Variants in MSR1 observed in about 807,000 individuals in gnomAD.
MSR1 encodes macrophage scavenger receptor types I and II.
In MSR1, 53 loss-of-function variants were observed where a neutral mutation model predicts 47.2. The observed-to-expected ratio is 1.12, with a 90% CI of 0.90 to 1.41. MSR1 has a LOEUF of 1.41. Ranked by LOEUF, MSR1 falls within the 40% of genes most tolerant of loss-of-function variation. MSR1 has a pLI of 0.00. For missense variants in MSR1, 786 were observed against 546.9 expected, an observed-to-expected ratio of 1.44 and a Z score of -4.36; for synonymous variants, 239 against 185.6, an observed-to-expected ratio of 1.29 and a Z score of -2.34.
At chr8:16,137,978 C>G (rs1585150659) in intron 8 of MSR1, among the ~76,000 whole-genome samples, 2 of 147,926 alleles carry the variant, frequency 1.4e-5, no homozygotes. Context: ...TGCAACAGAG[C>G]AAGACTCTGT....
At chr8:16,115,020 A>G (rs770997990) in intron 9 of MSR1, among the ~76,000 whole-genome samples, 3 of 151,964 alleles carry the variant, frequency 2.0e-5, no homozygotes, top group Non-Finnish European at 4.4e-5. Flanking sequence ...TCTACTAAAT[A>G]TACAAAAAAT....
At chr8:16,117,883 C>T (rs1332957232) in intron 9 of MSR1, among the ~76,000 whole-genome samples, 3 of 152,050 alleles carry the variant, frequency 2.0e-5, no homozygotes, top group East Asian at 3.9e-4. Context: ...TTATATATTA[C>T]AGTATAATAA....
intron 8 of MSR1, chr8:16,140,959 A>G (rs1800540595): frequency 6.2e-7 from 1 of 1,613,896 alleles, no homozygotes; most frequent in Non-Finnish European, 8.5e-7. Context: ...AGGGCCTTTT[A>G]ATGAGATGGT....
At chr8:16,113,713 C>G (rs540477241) in intron 9 of MSR1, among the ~76,000 whole-genome samples, 1 of 152,126 alleles carries the variant, frequency 6.6e-6, no homozygotes, top group African/African-American at 2.4e-5. Context: ...GTAAGGCTAA[C>G]ATAGCTTTAA....
At chr8:16,121,977 T>A (rs1329730059) in intron 8 of MSR1, among the ~76,000 whole-genome samples, 1 of 152,006 alleles carries the variant, frequency 6.6e-6, no homozygotes. Context: ...TTAATAACAT[T>A]TAAAGTTATT....
chr8:16,114,388 A>G (rs973675019), intron 9 of MSR1, among the ~76,000 whole-genome samples: 1 of 152,178 alleles, frequency 6.6e-6, no homozygotes, highest in Non-Finnish European at 1.5e-5. Context: ...TCAGCACTAT[A>G]AACTCAGGAG....
At chr8:16,139,002 T>C (rs1800459992) in intron 8 of MSR1, among the ~76,000 whole-genome samples, 1 of 152,186 alleles carries the variant, frequency 6.6e-6, no homozygotes, top group African/African-American at 2.4e-5. Context: ...GCCTGACATT[T>C]TGTTTTGACC....
At chr8:16,116,952 A>C (rs1799888440) in intron 9 of MSR1, among the ~76,000 whole-genome samples, 1 of 151,924 alleles carries the variant, frequency 6.6e-6, no homozygotes, top group Admixed American at 6.6e-5. Flanking sequence ...ATTAAAGTAC[A>C]TATACTACTA....
At chr8:16,187,849 C>T (rs145121684) in intron 1 of MSR1, among the ~76,000 whole-genome samples, 11 of 152,208 alleles carry the variant, frequency 7.2e-5, no homozygotes, top group African/African-American at 2.6e-4. Context: ...CTCAGTGAAC[C>T]CACTTTGCTT....
Position 16,164,248 on chromosome 8 carries a change from T to A in MSR1, c.634A>T (p.Ile212Phe). 1 of 1,610,872 alleles carries A rather than the reference T, an allele frequency of 6.2e-7. No individual in the cohort carries two copies. Among genetic ancestry groups the A allele is most frequent in the Non-Finnish European group, 8.5e-7 (1 of 1,178,014 alleles). Residue 212 changes from isoleucine to phenylalanine, a missense_variant, in exon 5 of 10, where the codon ATC (isoleucine) becomes TTC (phenylalanine). Physicochemically the swap from Ile to Phe is conservative, Grantham distance 21. Coordinates refer to ENST00000262101, the MANE Select transcript of MSR1 (RefSeq NM_138715.3). ...QENTFKQQEE[I>F]SKLEERVYNV... The stretch of plus-strand genomic sequence containing the variant: ...TAAACACGCTCCTCTAATTTACTGA[T>A]TTCCTGTAAAACATAAGTGAGCATT...
rs536177690 is a variant in MSR1, at chr8:16,189,163, C to T, written c.-5+3435G>A. On this transcript the variant is annotated intron_variant, in intron 1 of 9. Coordinates refer to ENST00000262101, the MANE Select transcript of MSR1 (RefSeq NM_138715.3). ...CATATATTTCATATATACGTAAAAC[C>T]TTATTTTACATATATTTCATATATA... Among the ~76,000 whole-genome samples, 42 of 143,690 alleles carry T rather than the reference C, an allele frequency of 2.9e-4. No homozygotes were observed. The East Asian group carries it at 7.6e-3, about 26-fold the overall frequency. 94.3% of individuals were successfully genotyped at this position (143,690 alleles called of 152,430 possible). A position where few individuals can be genotyped will look rare whatever the true frequency, so the allele number is the denominator to read the frequency against.
chr8:16,187,087 C>T (rs892421384), intron 1 of MSR1, among the ~76,000 whole-genome samples: 5 of 151,760 alleles, frequency 3.3e-5, no homozygotes, highest in African/African-American at 7.3e-5. Flanking sequence ...AAGTCTGACT[C>T]AAAAAAGCAG....
chr8:16,113,024 C>G (rs1276873938), intron 9 of MSR1, among the ~76,000 whole-genome samples: 3 of 146,508 alleles, frequency 2.0e-5, no homozygotes, highest in Non-Finnish European at 4.5e-5. Context: ...GATCTCGGCT[C>G]ACTGCACTTC....
At chr8:16,123,001 C>T (rs575248971) in intron 8 of MSR1, among the ~76,000 whole-genome samples, 3 of 151,924 alleles carry the variant, frequency 2.0e-5, no homozygotes, top group South Asian at 2.1e-4. Flanking sequence ...CCTGCCACCA[C>T]GCCCAGCTAA....
rs371447054 is a variant in MSR1, at chr8:16,177,872, C to T, written c.103+14G>A. On this transcript the variant is annotated intron_variant, in intron 2 of 9. Transcript: ENST00000262101. ...AGAACAACCTCCATGGGCAGCCCAT[C>T]CCCCTCTACTTACTCGGAGGAAGCA... 1.2e-6 allele frequency: 2 copies of T among 1,607,604 alleles called. No homozygotes were observed. Among genetic ancestry groups the T allele is most frequent in the Non-Finnish European group, 1.7e-6 (2 of 1,174,236 alleles).
chr8:16,159,184 T>C (rs1801094399), intron 5 of MSR1, among the ~76,000 whole-genome samples: 3 of 151,882 alleles, frequency 2.0e-5, no homozygotes, highest in Non-Finnish European at 1.5e-5. Context: ...TCATTTTCTC[T>C]ACTATAAAAA....
intron 9 of MSR1, 47 bp from the exon 10 acceptor site, chr8:16,110,265 T>C: frequency 6.2e-7 from 1 of 1,606,696 alleles, no homozygotes; most frequent in Non-Finnish European, 8.5e-7. Context: ...GAGTTTAGTG[T>C]TTCTCTTTGA....
intron 7 of MSR1, 23 bp downstream of exon 7, chr8:16,150,208 G>C (rs754764248): frequency 1.6e-6 from 2 of 1,232,544 alleles, no homozygotes; most frequent in East Asian, 6.0e-5. Context: ...ATTCTATAAA[G>C]AAAATACACA....
intron 4 of MSR1, 140 bp downstream of exon 4, chr8:16,168,317 TG>T: frequency 1.2e-6 from 1 of 800,492 alleles, no homozygotes; most frequent in East Asian, 2.7e-5. Context: ...GTTTAAAATC[TG>T]GATAAGTTAG....
Sources: allele counts gnomAD v4.1 joint callset (sites outside exome capture counted in the v4.1 genomes callset), GRCh38; gene constraint gnomAD v4.1.1; transcripts MANE v1.5; gene names NCBI Gene and HGNC (gene_info 2026-07-23, HGNC 2026-07-21).